The following CRTC1 variants were observed in gnomAD, a reference collection of about 807,000 sequenced individuals.
CRTC1 encodes CREB-regulated transcription coactivator 1.
Under a neutral mutation model 66.1 loss-of-function variants are expected in CRTC1, and 18 were observed. The ratio of observed to expected loss-of-function variants is 0.27; its 90% CI spans 0.19 to 0.40. The LOEUF (loss-of-function observed/expected upper bound fraction) is 0.40. CRTC1 is among the 10% of genes least tolerant of loss of function. The probability of loss-of-function intolerance (pLI) is 1.00; values close to 1 mark genes in which losing one functional copy is unlikely to be tolerated. For missense variants in CRTC1, 669 were observed against 887.9 expected (o/e 0.75, Z 3.13); for synonymous variants, 416 against 398.8 (o/e 1.04, Z -0.51).
Position 18,764,191 on chromosome 19 carries a change from G to C in CRTC1, c.887-1213G>C, listed in dbSNP as rs570915024. On this transcript the variant is annotated intron_variant, in intron 8 of 13. Coordinates refer to ENST00000321949, the MANE Select transcript of CRTC1 (RefSeq NM_015321.3). The stretch of plus-strand genomic sequence containing the variant: ...GTCGGGTGTGTTCCCATGGGCCCAC[G>C]CACCCGCCGTCTCATCTGCCGGAAC... 2.0e-3 allele frequency among the ~76,000 whole-genome samples: 309 copies of C among 152,314 alleles called. 1 individual carries two copies. The highest frequency in any genetic ancestry group is 6.8e-3 in the Middle Eastern group (2 of 294).
rs2145838661 is a variant in CRTC1 at position 18,768,352 on chromosome 19, C to G, written c.1012-133C>G. ...CTGGGCTCCCTCATCGTGAGGAGCA[C>G]CCAGCCCAGGGGCTGCCTGTGATCA... On this transcript the variant is annotated intron_variant, in intron 9 of 13. Coordinates refer to ENST00000321949, the MANE Select transcript of CRTC1 (RefSeq NM_015321.3). The surrounding 1 kb of genome is among the most constrained non-coding windows in gnomAD (Gnocchi z 5.6). 1.4e-6 allele frequency: 1 copy of G among 732,250 alleles called. No homozygotes were observed. The highest frequency in any genetic ancestry group is 2.8e-5 in the East Asian group (1 of 35,600). The allele number at this position is 732,250 out of a possible 1,614,324, so 45.4% of individuals were successfully genotyped here. A position where few individuals can be genotyped will look rare whatever the true frequency, so the allele number is the denominator to read the frequency against.
intron 1 of CRTC1, among the ~76,000 whole-genome samples, chr19:18,722,468 C>T (rs1409350854): frequency 1.3e-5 from 2 of 152,136 alleles, no homozygotes; most frequent in African/African-American, 4.8e-5. Context: ...TTAGGATTGG[C>T]CCCGAATCCC....
chr19:18,775,612 C>T, intron 12 of CRTC1, 29 bp from the exon 13 acceptor site: 1 of 1,533,208 alleles, frequency 6.5e-7, no homozygotes, highest in Non-Finnish European at 8.8e-7. Context: ...CGCGGTGGCC[C>T]TCACAGCCTG....
intron 1 of CRTC1, among the ~76,000 whole-genome samples, chr19:18,733,690 C>T (rs1161279558): frequency 1.3e-5 from 2 of 152,244 alleles, no homozygotes; most frequent in Non-Finnish European, 2.9e-5. Flanking sequence ...CTCTTCTCAT[C>T]AGGTCCTCAG....
At chr19:18,747,587 C>G (rs529852851) in intron 4 of CRTC1, among the ~76,000 whole-genome samples, 1 of 152,132 alleles carries the variant, frequency 6.6e-6, no homozygotes, top group African/African-American at 2.4e-5. Context: ...GAGCCAAGAT[C>G]GAGCCACTGC....
intron 6 of CRTC1, among the ~76,000 whole-genome samples, chr19:18,753,998 G>C (rs1331341439): frequency 2.0e-5 from 3 of 151,770 alleles, no homozygotes; most frequent in Non-Finnish European, 1.5e-5. Context: ...CTACTTGGGA[G>C]ACTGAGGTGG....
rs2055051631 is a variant in CRTC1 at position 18,778,972 on chromosome 19, G to C, written c.*1590G>C. On this transcript the variant is annotated 3_prime_UTR_variant, in exon 14 of 14. Coordinates refer to ENST00000321949, the MANE Select transcript of CRTC1 (RefSeq NM_015321.3). ...TGTGTTTTAGTGGCAGGTTTCAGGAGCACCTCTAAGACCAGGGTGACAGGG... is the reference window on the plus strand; with the variant it reads ...TGTGTTTTAGTGGCAGGTTTCAGGACCACCTCTAAGACCAGGGTGACAGGG... The C allele has an allele frequency of 4.3e-6, 1 of 231,608 alleles. No individual in the cohort carries two copies. Among genetic ancestry groups the C allele is most frequent in the Non-Finnish European group, 8.5e-6 (1 of 117,088 alleles). 14.3% of individuals were successfully genotyped at this position (231,608 alleles called of 1,614,324 possible).
At chr19:18,716,009 G>A (rs1281537399) in intron 1 of CRTC1, among the ~76,000 whole-genome samples, 2 of 152,242 alleles carry the variant, frequency 1.3e-5, no homozygotes, top group Non-Finnish European at 1.5e-5. Context: ...GGGGGGTGTC[G>A]CCAAAGAGCG....
At chr19:18,717,652 C>T (rs1229166952) in intron 1 of CRTC1, among the ~76,000 whole-genome samples, 2 of 152,112 alleles carry the variant, frequency 1.3e-5, no homozygotes, top group East Asian at 3.9e-4. Context: ...CAGTCTCAGC[C>T]TACAGTGAGT....
At chr19:18,723,821 G>A (rs1003410605) in intron 1 of CRTC1, among the ~76,000 whole-genome samples, 2 of 152,168 alleles carry the variant, frequency 1.3e-5, no homozygotes, top group South Asian at 2.1e-4. Flanking sequence ...CAGCCCCTGC[G>A]TCGACCCACC....
rs1240680958 is a variant in CRTC1 at position 18,760,387 on chromosome 19, C to T, written c.886+159C>T. Among the ~76,000 whole-genome samples, 1 of 152,146 alleles carries T rather than the reference C, an allele frequency of 6.6e-6. No individual in the cohort carries two copies. Among genetic ancestry groups the T allele is most frequent in the African/African-American group, 2.4e-5 (1 of 41,440 alleles). On this transcript the variant is annotated intron_variant, in intron 8 of 13. Coordinates refer to ENST00000321949, the MANE Select transcript of CRTC1 (RefSeq NM_015321.3). The surrounding 1 kb of genome is among the most constrained non-coding windows in gnomAD (Gnocchi z 6.2). ...GCTGACCCAGCGGGCACAGGCATCC[C>T]AGGTAGGGGTGGGGCCTGGGTACAG...
At chr19:18,757,741 G>C (rs933408481) in intron 6 of CRTC1, among the ~76,000 whole-genome samples, 1 of 152,216 alleles carries the variant, frequency 6.6e-6, no homozygotes, top group Admixed American at 6.5e-5. Flanking sequence ...ATTAGGCTGG[G>C]TGCAGTGGCT....
intron 8 of CRTC1, among the ~76,000 whole-genome samples, chr19:18,762,724 C>G (rs776551797): frequency 3.3e-5 from 5 of 152,238 alleles, no homozygotes; most frequent in Admixed American, 2.0e-4. Flanking sequence ...TGTGCCTGTT[C>G]CCAAAGGTGA....
intron 1 of CRTC1, among the ~76,000 whole-genome samples, chr19:18,696,527 A>C (rs1466746328): frequency 6.6e-6 from 1 of 152,166 alleles, no homozygotes; most frequent in Non-Finnish European, 1.5e-5. Context: ...ATTGAGGCAC[A>C]GGAGGTCACA....
chr19:18,731,601 G>A (rs1424976298), intron 1 of CRTC1, among the ~76,000 whole-genome samples: 1 of 152,198 alleles, frequency 6.6e-6, no homozygotes, highest in African/African-American at 2.4e-5. Context: ...CACAGGACCC[G>A]ATTCATCCTG....
At chr19:18,766,596 C>T (rs2054742428) in intron 9 of CRTC1, among the ~76,000 whole-genome samples, 1 of 151,236 alleles carries the variant, frequency 6.6e-6, no homozygotes, top group South Asian at 2.1e-4. Context: ...CAGGTGACCG[C>T]CACCACGCCT....
chr19:18,759,949 C>A, intron 7 of CRTC1, 59 bp from the exon 8 acceptor site: 1 of 1,309,502 alleles, frequency 7.6e-7, no homozygotes, highest in Non-Finnish European at 1.1e-6. Context: ...AGCCCCCTGT[C>A]CCCGCCGCCA....
At position 18,695,473 on chromosome 19, in the gene CRTC1, G is replaced by C. The variant is rs182487350; in HGVS notation, c.126+11645G>C. 2.4e-3 allele frequency among the ~76,000 whole-genome samples: 365 copies of C among 152,314 alleles called. 2 individuals are homozygous for C. The highest frequency in any genetic ancestry group is 4.1e-3 in the Non-Finnish European group (277 of 68,030). ...CACTTGGGGCCGATTCTGCCCCTGG[G>C]GGCATTTGGCAACTTTTGGGGACAT... is the stretch of plus-strand genomic sequence containing the variant. On this transcript the variant is annotated intron_variant, in intron 1 of 13. Coordinates refer to ENST00000321949, the MANE Select transcript of CRTC1 (RefSeq NM_015321.3).
chr19:18,765,266 TGGCAGTTGGGACATGTCCATG>T (rs2054703072), intron 8 of CRTC1, 117 bp from the exon 9 acceptor site: 2 of 1,297,080 alleles, frequency 1.5e-6, no homozygotes, highest in Non-Finnish European at 2.1e-6. Flanking sequence ...TGCCCAGGTT[TGGCAGTTGGGACATGTCCATG>T]GGCTTCTGTC....
Sources: gnomAD v4.1 joint callset for allele counts (sites outside exome capture counted in the v4.1 genomes callset) on GRCh38, gnomAD v4.1.1 for gene constraint, Gnocchi (gnomAD v3.1) non-coding constraint, MANE v1.5 for transcripts, NCBI Gene and HGNC (gene_info 2026-07-23, HGNC 2026-07-21) for gene names.